ATG101: variants seen among roughly 807,000 people sequenced by gnomAD.
The protein encoded by ATG101 is autophagy-related protein 101.
ATG101 carries 6 observed loss-of-function variants against 16.7 expected under a neutral mutation model. The ratio of observed to expected loss-of-function variants is 0.36; its 90% CI spans 0.20 to 0.71. The LOEUF (loss-of-function observed/expected upper bound fraction) is 0.71, where lower values mean the gene tolerates loss of function less well. ATG101 is among the 30% of genes least tolerant of loss of function. The pLI, the probability that ATG101 is intolerant of heterozygous loss-of-function variation, is 0.57. For synonymous variants in ATG101, 108 were observed against 118.1 expected (o/e 0.91, Z 0.56); for missense variants, 200 against 292.5 (o/e 0.68, Z 2.31).
chr12:52,073,785 C>A lies in ATG101; in HGVS notation c.135C>A (p.Tyr45Ter). The part of the protein sequence containing the change: ...GKFHYKKEGT[Y>*]SIGTVGTQDV... ...TCCACTACAAGAAGGAGGGCACCTA[C>A]TCCATTGGCACCGTGGGCACCCAGG... The change falls in exon 3 of 4, where the codon TAC becomes TAA. Residue 45 changes from tyrosine (Y) to a stop codon, truncating the protein, a stop_gained. Transcript: ENST00000336854. LOFTEE classifies it high-confidence loss of function. 1 of 1,614,242 alleles carries A rather than the reference C, an allele frequency of 6.2e-7. No individual in the cohort carries two copies. Among genetic ancestry groups the A allele is most frequent in the Admixed American group, 1.7e-5 (1 of 60,028 alleles).
chr12:52,066,246 A>T (rs983484870), upstream of ATG101, among the ~76,000 whole-genome samples: 2 of 152,224 alleles, frequency 1.3e-5, no homozygotes, highest in Non-Finnish European at 2.9e-5. Flanking sequence ...TGATGGTGTC[A>T]TTGCAGTCTT....
chr12:52,075,932 G>A (rs1020223164), intron 3 of ATG101, among the ~76,000 whole-genome samples: 4 of 152,180 alleles, frequency 2.6e-5, no homozygotes, highest in Admixed American at 2.0e-4. Flanking sequence ...GGCTGAAGCA[G>A]GAGTATTGCT....
Position 52,077,432 on chromosome 12 carries a change from T to G in ATG101, c.*242T>G. 1.8e-6 allele frequency: 1 copy of G among 558,492 alleles called. No homozygotes were observed. The highest frequency in any genetic ancestry group is 3.2e-6 in the Non-Finnish European group (1 of 313,688). 34.6% of individuals were successfully genotyped at this position (558,492 alleles called of 1,614,324 possible). A position where few individuals can be genotyped will look rare whatever the true frequency, so the allele number is the denominator to read the frequency against. ...GCCCTGGTGGGGTCCCCCTTCTTTCTCCACTGTACAGAAGAGCCACCACTG... is the reference window on the plus strand; with the variant it reads ...GCCCTGGTGGGGTCCCCCTTCTTTCGCCACTGTACAGAAGAGCCACCACTG... On this transcript the variant is annotated 3_prime_UTR_variant, in exon 4 of 4. Coordinates refer to ENST00000336854, the MANE Select transcript of ATG101 (RefSeq NM_021934.5).
chr12:52,076,619 C>G (rs916987548), intron 3 of ATG101, among the ~76,000 whole-genome samples, 167 bp from the exon 4 acceptor site: 5 of 152,224 alleles, frequency 3.3e-5, no homozygotes, highest in African/African-American at 9.7e-5. Flanking sequence ...TGGCAGTTTG[C>G]TGTGTCACTA....
chr12:52,070,679 G>T (rs1041421866), intron 2 of ATG101, 196 bp downstream of exon 2: 2 of 152,366 alleles, frequency 1.3e-5, no homozygotes, highest in African/African-American at 2.4e-5. Context: ...AAGGAGAATG[G>T]GGTTGGTCAG....
intron 3 of ATG101, among the ~76,000 whole-genome samples, chr12:52,074,482 C>G (rs182132029): frequency 6.6e-6 from 1 of 151,986 alleles, no homozygotes; most frequent in Non-Finnish European, 1.5e-5. Context: ...TCATTGAGTG[C>G]GTACTTTTAC....
intron 2 of ATG101, chr12:52,070,909 G>C (rs142848490): frequency 6.6e-6 from 1 of 152,332 alleles, no homozygotes; most frequent in African/African-American, 2.4e-5. Context: ...GAGCAAGAGA[G>C]CCCTTCTCCT....
At chr12:52,073,022 G>A (rs368726410) in intron 2 of ATG101, among the ~76,000 whole-genome samples, 14 of 152,064 alleles carry the variant, frequency 9.2e-5, no homozygotes, top group East Asian at 3.9e-4. Flanking sequence ...GATTTGCCTC[G>A]GCCTCCCAAG....
chr12:52,072,754 TA>T lies in ATG101; in HGVS notation c.-76-818del, dbSNP rs544343087. ...CCAAAGGTACTTGTCTTTTTTTTTT[TA>T]AATTTATTTTATTACTTTGTATTTT... On this transcript the variant is annotated intron_variant, in intron 2 of 3. Coordinates refer to ENST00000336854, the MANE Select transcript of ATG101 (RefSeq NM_021934.5). Among the ~76,000 whole-genome samples the T allele has an allele frequency of 1.5e-4, 22 of 149,918 alleles. No homozygotes were observed. The South Asian group carries it at 2.8e-3, about 19-fold the overall frequency.
chr12:52,076,932 G>A lies in ATG101; in HGVS notation c.399G>A (p.Thr133=), dbSNP rs774538271. 1.5e-5 allele frequency: 24 copies of A among 1,614,216 alleles called. No individual in the cohort carries two copies. The highest frequency in any genetic ancestry group is 1.7e-5 in the Non-Finnish European group (20 of 1,180,048). Residue 133 remains threonine (T), a synonymous_variant, in exon 4 of 4, where the codon ACG becomes ACA. Transcript: ENST00000336854. The part of the protein sequence containing the change: ...TVKVHVVALA[T]EQERQICREK... Reference sequence around the variant, plus strand: ...AGGTGCATGTGGTAGCCCTGGCCACGGAGCAGGAGCGGCAGATCTGCCGGG... The same window carrying A: ...AGGTGCATGTGGTAGCCCTGGCCACAGAGCAGGAGCGGCAGATCTGCCGGG...
chr12:52,071,831 A>G (rs373703040), intron 2 of ATG101, among the ~76,000 whole-genome samples: 4 of 152,290 alleles, frequency 2.6e-5, no homozygotes, highest in African/African-American at 9.6e-5. Flanking sequence ...TAAATAAATC[A>G]GAATAACTGA....
chr12:52,076,667 T>A, intron 3 of ATG101, 119 bp from the exon 4 acceptor site: 10 of 1,227,250 alleles, frequency 8.1e-6, no homozygotes, highest in Non-Finnish European at 1.1e-5. Flanking sequence ...CTTGTTTCCT[T>A]GCCATGCTTG....
chr12:52,072,560 A>G (rs889329673), intron 2 of ATG101, among the ~76,000 whole-genome samples: 42 of 152,166 alleles, frequency 2.8e-4, no homozygotes, highest in African/African-American at 8.9e-4. Context: ...TAAATCCACA[A>G]GTTTTTACCC....
chr12:52,074,714 T>C (rs1190482886), intron 3 of ATG101, among the ~76,000 whole-genome samples: 4 of 152,078 alleles, frequency 2.6e-5, no homozygotes, highest in Admixed American at 2.6e-4. Context: ...GTCTCAGCAC[T>C]TTGGGAGGCT....
At chr12:52,066,744 G>GTGATGA (rs202067539), upstream of ATG101, among the ~76,000 whole-genome samples, 4 of 152,044 alleles carry the variant, frequency 2.6e-5, no homozygotes, top group East Asian at 3.9e-4. Flanking sequence ...ATTGGTAGTA[G>GTGATGA]TGATGATGAT....
At chr12:52,065,942 A>G (rs928942670), upstream of ATG101, among the ~76,000 whole-genome samples, 1 of 152,176 alleles carries the variant, frequency 6.6e-6, no homozygotes, top group Non-Finnish European at 1.5e-5. Flanking sequence ...CAATGGCGAG[A>G]TCTCAGCTCA....
rs1333340780 is a variant in ATG101 at position 52,077,327 on chromosome 12, T to C, written c.*137T>C. On this transcript the variant is annotated 3_prime_UTR_variant, in exon 4 of 4. Transcript: ENST00000336854. ...GGAAGGGGCAGCCCCCGCTGGCTTCTTGGTTTTGTGGTTGCCAGCCTCAGG... is the reference window on the plus strand; with the variant it reads ...GGAAGGGGCAGCCCCCGCTGGCTTCCTGGTTTTGTGGTTGCCAGCCTCAGG... 9.6e-7 allele frequency: 1 copy of C among 1,039,676 alleles called. No individual in the cohort carries two copies. The highest frequency in any genetic ancestry group is 1.7e-5 in the South Asian group (1 of 59,544). 64.4% of individuals were successfully genotyped at this position (1,039,676 alleles called of 1,614,324 possible).
chr12:52,065,871 G>A (rs145539260), upstream of ATG101, among the ~76,000 whole-genome samples: 3 of 152,306 alleles, frequency 2.0e-5, no homozygotes, highest in Non-Finnish European at 2.9e-5. Flanking sequence ...GGCAGAAAGA[G>A]AGGGATTGAT....
chr12:52,073,538 A>G (rs1939682788), intron 2 of ATG101, 37 bp from the exon 3 acceptor site: 2 of 1,345,800 alleles, frequency 1.5e-6, no homozygotes, highest in Admixed American at 4.1e-5. Context: ...CACGTGGACT[A>G]TTCTTGTCAG....
Sources: gnomAD v4.1 joint callset for allele counts (sites outside exome capture counted in the v4.1 genomes callset) on GRCh38, gnomAD v4.1.1 for gene constraint, MANE v1.5 for transcripts, NCBI Gene and HGNC (gene_info 2026-07-23, HGNC 2026-07-21) for gene names.